Variants in DHX32 observed in about 807,000 individuals in gnomAD.
The protein encoded by DHX32 is putative pre-mRNA-splicing factor ATP-dependent RNA helicase DHX32.
Under a neutral mutation model 70.0 loss-of-function variants are expected in DHX32, and 51 were observed. That is an observed-to-expected ratio of 0.73 (90% CI 0.58 to 0.92). DHX32 has a LOEUF of 0.92. Among genes scored for constraint, DHX32 ranks in the 40% least tolerant of loss-of-function variants. DHX32 has a pLI of 0.00. For synonymous variants in DHX32, 310 were observed against 315.3 expected (o/e 0.98, Z 0.18); for missense variants, 762 against 891.8 (o/e 0.85, Z 1.85).
At position 125,854,008 on chromosome 10, in the gene DHX32, T is replaced by C. The variant is rs1002339103; in HGVS notation, c.1045A>G (p.Ser349Gly). 4 of 1,613,934 alleles carry C rather than the reference T, an allele frequency of 2.5e-6. No homozygotes were observed. The highest frequency in any genetic ancestry group is 3.4e-6 in the Non-Finnish European group (4 of 1,179,982). Reference sequence around the variant, plus strand: ...TCGATAACAAATCTGACTGAGTTGCTCCAGATCAAAAACTCTCCAGAGCTA... The same window carrying C: ...TCGATAACAAATCTGACTGAGTTGCCCCAGATCAAAAACTCTCCAGAGCTA... ...TTSSGEFLIW[S>G]NSVRFVIDVG... Residue 349 changes from serine (S) to glycine (G), a missense_variant, in exon 4 of 11, where the codon AGC (serine) becomes GGC (glycine). Coordinates refer to ENST00000284690, the MANE Select transcript of DHX32 (RefSeq NM_018180.3).
At chr10:125,843,504 C>G (rs1385454874) in intron 6 of DHX32, among the ~76,000 whole-genome samples, 1 of 151,704 alleles carries the variant, frequency 6.6e-6, no homozygotes, top group South Asian at 2.1e-4. Context: ...CCCAGCTACT[C>G]GGGAGGTTGA....
At chr10:125,848,786 A>G (rs1220092506) in intron 6 of DHX32, among the ~76,000 whole-genome samples, 3 of 152,198 alleles carry the variant, frequency 2.0e-5, no homozygotes, top group Admixed American at 6.5e-5. Flanking sequence ...TGACTGTGCT[A>G]TAGCATTTAC....
chr10:125,889,053 C>T (rs74929171), intron 1 of DHX32, among the ~76,000 whole-genome samples: 1 of 151,860 alleles, frequency 6.6e-6, no homozygotes, highest in Non-Finnish European at 1.5e-5. Flanking sequence ...AGTAAGACTC[C>T]GTTTCCAAAA....
chr10:125,884,840 A>T (rs985941992), upstream of DHX32, among the ~76,000 whole-genome samples: 10 of 152,014 alleles, frequency 6.6e-5, no homozygotes, highest in African/African-American at 2.4e-4. Context: ...TTCATGTATC[A>T]AATACCCAAA....
intron 2 of DHX32, among the ~76,000 whole-genome samples, chr10:125,862,872 A>G (rs1336132471): frequency 3.9e-5 from 6 of 152,140 alleles, no homozygotes; most frequent in Non-Finnish European, 5.9e-5. Context: ...AAGCAAAAAA[A>G]AAAACTACTT....
At chr10:125,871,052 C>T (rs1190935991) in intron 1 of DHX32, among the ~76,000 whole-genome samples, 1 of 152,184 alleles carries the variant, frequency 6.6e-6, no homozygotes, top group Non-Finnish European at 1.5e-5. Flanking sequence ...TAAAATTCGA[C>T]AAGATTCCAA....
rs372819227 is a variant in DHX32 at position 125,877,337 on chromosome 10, ATCAGATAAAAAACATCTGTTG to A, written c.282+3185_282+3205del. Among the ~76,000 whole-genome samples, 244 of 152,334 alleles carry A rather than the reference ATCAGATAAAAAACATCTGTTG, an allele frequency of 1.6e-3. 6 individuals carry two copies. In the South Asian group the frequency reaches 0.027, roughly 17 times the overall value. Reference sequence around the variant, plus strand: ...AAACCTTTGATACTGGCAGCTGTAAATCAGATAAAAAACATCTGTTGTCCAGCCCTCCTCTTTTCAAATTAC... The same window carrying A: ...AAACCTTTGATACTGGCAGCTGTAAATCCAGCCCTCCTCTTTTCAAATTAC... On this transcript the variant is annotated intron_variant, in intron 1 of 10. Coordinates refer to ENST00000284690, the MANE Select transcript of DHX32 (RefSeq NM_018180.3).
chr10:125,843,171 G>C (rs1205636608), intron 6 of DHX32, among the ~76,000 whole-genome samples: 1 of 152,092 alleles, frequency 6.6e-6, no homozygotes, highest in Non-Finnish European at 1.5e-5. Flanking sequence ...CCACTAGGTT[G>C]GTTTTGTTTT....
intron 10 of DHX32, among the ~76,000 whole-genome samples, chr10:125,837,590 C>G (rs1193452772): frequency 1.3e-5 from 2 of 152,110 alleles, no homozygotes; most frequent in African/African-American, 4.8e-5. Context: ...CCACACCCGG[C>G]TAATTTTTTT....
In DHX32 at chr10:125,838,271, G is replaced by T. The variant is rs144389606; in HGVS notation, c.1998C>A (p.Leu666=). 1 of 1,613,828 alleles carries T rather than the reference G, an allele frequency of 6.2e-7. No individual in the cohort carries two copies. Among genetic ancestry groups the T allele is most frequent in the African/African-American group, 1.3e-5 (1 of 75,020 alleles). The part of the protein sequence containing the change: ...SITKKMPEWV[L]FHKFSISENN... ...TCTCAGAAATGCTGAATTTATGGAAGAGGACCCACTCTGGCATCTTCTTGG... is the reference window on the plus strand; with the variant it reads ...TCTCAGAAATGCTGAATTTATGGAATAGGACCCACTCTGGCATCTTCTTGG... The change falls in exon 10 of 11, where the codon CTC becomes CTA. Residue 666 remains leucine (L), a synonymous_variant. Coordinates refer to ENST00000284690, the MANE Select transcript of DHX32 (RefSeq NM_018180.3).
chr10:125,846,524 G>A (rs1285487009), intron 6 of DHX32, among the ~76,000 whole-genome samples: 2 of 152,186 alleles, frequency 1.3e-5, no homozygotes, highest in Non-Finnish European at 2.9e-5. Flanking sequence ...GCAAGGCTCT[G>A]GGGCAGGCAC....
intron 2 of DHX32, among the ~76,000 whole-genome samples, chr10:125,861,956 T>A (rs1357479830): frequency 6.6e-6 from 1 of 151,722 alleles, no homozygotes; most frequent in Non-Finnish European, 1.5e-5. Flanking sequence ...TAAACAAACA[T>A]CTATTAAGCA....
intron 4 of DHX32, chr10:125,853,638 T>G (rs1455747593): frequency 3.9e-6 from 1 of 255,290 alleles, no homozygotes; most frequent in Non-Finnish European, 7.4e-6. Context: ...TCAAACAATT[T>G]GCTTTGCTAG....
At chr10:125,849,469 C>G (rs974399399) in intron 6 of DHX32, among the ~76,000 whole-genome samples, 1 of 152,210 alleles carries the variant, frequency 6.6e-6, no homozygotes, top group Non-Finnish European at 1.5e-5. Flanking sequence ...ATGTTTGCGT[C>G]TCTTTTTCAC....
At chr10:125,875,829 A>G (rs1414268506) in intron 1 of DHX32, among the ~76,000 whole-genome samples, 3 of 152,128 alleles carry the variant, frequency 2.0e-5, no homozygotes, top group African/African-American at 4.8e-5. Context: ...ACTTTTGTAG[A>G]TAGTTTATAG....
At chr10:125,895,282 A>G (rs76886843) in intron 1 of DHX32, among the ~76,000 whole-genome samples, 2 of 151,534 alleles carry the variant, frequency 1.3e-5, no homozygotes, top group South Asian at 4.2e-4. Flanking sequence ...TTCTACTGGC[A>G]AGATTAGTAA....
intron 8 of DHX32, among the ~76,000 whole-genome samples, chr10:125,840,558 C>T (rs551363044): frequency 6.6e-6 from 1 of 152,210 alleles, no homozygotes; most frequent in Non-Finnish European, 1.5e-5. Flanking sequence ...TCTGTGTCCC[C>T]CGTCACCATG....
intron 1 of DHX32, among the ~76,000 whole-genome samples, chr10:125,887,536 T>G (rs571582679): frequency 6.6e-6 from 1 of 152,362 alleles, no homozygotes; most frequent in Non-Finnish European, 1.5e-5. Context: ...AGTCATTTCT[T>G]GATCCAAATT....
At chr10:125,873,125 G>A (rs1330048968) in intron 1 of DHX32, among the ~76,000 whole-genome samples, 2 of 152,152 alleles carry the variant, frequency 1.3e-5, no homozygotes, top group East Asian at 1.9e-4. Context: ...AGAATCAAGG[G>A]AGCAGCAGCG....
Sources: gnomAD v4.1 joint callset for allele counts (sites outside exome capture counted in the v4.1 genomes callset) on GRCh38, gnomAD v4.1.1 for gene constraint, MANE v1.5 for transcripts, NCBI Gene and HGNC (gene_info 2026-07-23, HGNC 2026-07-21) for gene names.